SMARCA4: variants seen among roughly 807,000 people sequenced by gnomAD.
SMARCA4 encodes the protein SWI/SNF related BAF chromatin remodeling complex subunit ATPase 4.
A neutral mutation model predicts 193.9 loss-of-function variants in SMARCA4; 31 were observed. That is an observed-to-expected ratio of 0.16 (90% confidence interval 0.12 to 0.22). The LOEUF (loss-of-function observed/expected upper bound fraction) is 0.22. Among genes scored for constraint, SMARCA4 ranks in the 10% least tolerant of loss-of-function variants. The pLI, the probability that SMARCA4 is intolerant of heterozygous loss-of-function variation, is 1.00. For missense variants in SMARCA4, 1,148 were observed against 2,296.0 expected, an observed-to-expected ratio of 0.50 and a Z score of 10.22; for synonymous variants, 942 against 933.1, an observed-to-expected ratio of 1.01 and a Z score of -0.17.
chr19:10,963,011 T>A (rs1470039645), intron 1 of SMARCA4, among the ~76,000 whole-genome samples: 2 of 151,922 alleles, frequency 1.3e-5, no homozygotes, highest in Non-Finnish European at 2.9e-5. Context: ...ACATAGTAGG[T>A]CTTTAGCGAA....
chr19:10,997,315 C>T (rs1178903416), intron 11 of SMARCA4, among the ~76,000 whole-genome samples: 1 of 152,184 alleles, frequency 6.6e-6, no homozygotes, highest in African/African-American at 2.4e-5. Flanking sequence ...TCTCCTGCCT[C>T]AGCCTCCCGA....
rs2146192207 is a variant in SMARCA4 at position 11,007,968 on chromosome 19, A to T, written c.2068A>T (p.Ile690Phe). The T allele has an allele frequency of 6.2e-7, 1 of 1,613,828 alleles. No individual in the cohort carries two copies. The highest frequency in any genetic ancestry group is 1.1e-5 in the South Asian group (1 of 91,066). ...CCTGCCCGTGGAGGAGAAGAAGAAG[A>T]TTCCAGATCCAGACAGCGATGACGT... ...PTLPVEEKKK[I>F]PDPDSDDVSE... Residue 690 changes from isoleucine to phenylalanine, a missense_variant, in exon 14 of 35, where the codon ATT (isoleucine) becomes TTT (phenylalanine). Transcript: ENST00000344626.
chr19:10,989,114 T>C (rs2145840777), intron 6 of SMARCA4, among the ~76,000 whole-genome samples: 1 of 152,346 alleles, frequency 6.6e-6, no homozygotes, highest in East Asian at 1.9e-4. Context: ...TCTTGTTTGC[T>C]GTCCCCTGAG....
At chr19:11,022,793 C>T (rs2089972291) in intron 19 of SMARCA4, among the ~76,000 whole-genome samples, 1 of 152,134 alleles carries the variant, frequency 6.6e-6, no homozygotes, top group South Asian at 2.1e-4. Context: ...CGAGGCATTC[C>T]CCAAAGCCTC....
At chr19:11,026,540 C>A (rs577169752) in intron 23 of SMARCA4, among the ~76,000 whole-genome samples, 194 bp downstream of exon 23, 2 of 141,734 alleles carry the variant, frequency 1.4e-5, no homozygotes, top group South Asian at 4.5e-4. Flanking sequence ...GCTCTTGTTG[C>A]CCAGGCTGGA....
At chr19:10,978,618 G>A (rs921465747) in intron 1 of SMARCA4, among the ~76,000 whole-genome samples, 2 of 150,920 alleles carry the variant, frequency 1.3e-5, no homozygotes, top group African/African-American at 2.4e-5. Flanking sequence ...GAGCCATCAC[G>A]CCCGGCCGAT....
In SMARCA4 at chr19:10,979,412, C is replaced by CTT. The variant is rs778610991; in HGVS notation, c.-31-4694_-31-4693dup. ...AGACATGGTGACCCTGTGTGATTGTCTTTTTTTTTTTTTTTTGAGACAGGG... is the reference window on the plus strand; with the variant it reads ...AGACATGGTGACCCTGTGTGATTGTCTTTTTTTTTTTTTTTTTTGAGACAGGG... On this transcript the variant is annotated intron_variant, in intron 1 of 34. Transcript: ENST00000344626. 3.8e-3 allele frequency among the ~76,000 whole-genome samples: 518 copies of CTT among 137,810 alleles called. 4 individuals are homozygous for CTT. Among genetic ancestry groups the CTT allele is most frequent in the African/African-American group, 0.012 (441 of 37,754 alleles). 90.4% of individuals were successfully genotyped at this position (137,810 alleles called of 152,430 possible). A position where few individuals can be genotyped will look rare whatever the true frequency, so the allele number is the denominator to read the frequency against.
At chr19:11,010,734 A>G (rs907212762) in intron 15 of SMARCA4, among the ~76,000 whole-genome samples, 5 of 152,124 alleles carry the variant, frequency 3.3e-5, no homozygotes, top group Non-Finnish European at 7.4e-5. Context: ...AGGACGTGCA[A>G]CAGCAGAAAG....
At chr19:10,971,082 G>A (rs1399398865) in intron 1 of SMARCA4, among the ~76,000 whole-genome samples, 1 of 152,158 alleles carries the variant, frequency 6.6e-6, no homozygotes, top group African/African-American at 2.4e-5. Flanking sequence ...TGTAATCCCA[G>A]CTACTTGAGA....
At position 10,984,217 on chromosome 19, in the gene SMARCA4, T is replaced by C. The variant is rs2145722014; in HGVS notation, c.66T>C (p.Pro22=). 2 of 1,612,174 alleles carry C rather than the reference T, an allele frequency of 1.2e-6. No individual in the cohort carries two copies. The highest frequency in any genetic ancestry group is 1.1e-5 in the South Asian group (1 of 91,038). ...PRPGPSPGPG[P]SPGAMLGPSP... is the part of the protein sequence containing the mutation. ...CAGGTCCTTCCCCGGGCCCTGGCCC[T>C]TCCCCTGGAGCCATGCTGGGCCCTA... Residue 22 remains proline, a synonymous_variant, in exon 2 of 35, where the codon CCT becomes CCC. Transcript: ENST00000344626. This position sits in a 1 kb window ranked among gnomAD's most constrained non-coding sequence, Gnocchi z 4.3.
chr19:11,056,989 C>T lies in SMARCA4; in HGVS notation c.4425-1266C>T, dbSNP rs546796471. ...CCAGTGGCATGGGCGGGCTGCCCTG[C>T]CCTCTGGAATTTTCTGGGAAAGAAC... On this transcript the variant is annotated intron_variant, in intron 30 of 34. Transcript: ENST00000344626. Among the ~76,000 whole-genome samples, 322 of 152,364 alleles carry T rather than the reference C, an allele frequency of 2.1e-3. 3 individuals are homozygous for T. The highest frequency in any genetic ancestry group is 7.6e-3 in the African/African-American group (315 of 41,598).
At chr19:10,995,073 C>A (rs2086897984) in intron 9 of SMARCA4, 72 bp downstream of exon 9, 29 of 1,400,566 alleles carry the variant, frequency 2.1e-5, no homozygotes, top group Non-Finnish European at 2.7e-5. Flanking sequence ...GGGGTCACTC[C>A]CCAGGGTTAC....
At position 11,031,228 on chromosome 19, in the gene SMARCA4, C is replaced by G. The variant is rs543129000; in HGVS notation, c.3546+335C>G. On this transcript the variant is annotated intron_variant, in intron 25 of 34. Coordinates refer to ENST00000344626, the MANE Select transcript of SMARCA4 (RefSeq NM_003072.5). The surrounding 1 kb of genome is among the most constrained non-coding windows in gnomAD (Gnocchi z 4.3). ...CGCCGTCACTGTGGGGCGGCCCCTG[C>G]AGTGTGCCCTGTGAGCACACACACT... 2.6e-6 allele frequency: 1 copy of G among 382,900 alleles called. No individual in the cohort carries two copies. The highest frequency in any genetic ancestry group is 6.0e-5 in the East Asian group (1 of 16,776). The allele number at this position is 382,900 out of a possible 1,614,324, so 23.7% of individuals were successfully genotyped here.
rs185153623 is a variant in SMARCA4, at chr19:11,014,570, C to T, written c.2438+1458C>T. Among the ~76,000 whole-genome samples the T allele has an allele frequency of 1.6e-4, 25 of 152,268 alleles. No homozygotes were observed. The East Asian group carries it at 1.7e-3, about 11-fold the overall frequency. ...GTCTGTGTCTGGAGGCTGTTCCTTC[C>T]GGCTCTGCCCACCTCCTGGCTCCCC... On this transcript the variant is annotated intron_variant, in intron 16 of 34. Coordinates refer to ENST00000344626, the MANE Select transcript of SMARCA4 (RefSeq NM_003072.5).
Position 10,986,204 on chromosome 19 carries a change from T to A in SMARCA4, c.371T>A (p.Leu124Gln), listed in dbSNP as rs754451765. 2 of 1,613,870 alleles carry A rather than the reference T, an allele frequency of 1.2e-6. No individual in the cohort carries two copies. The highest frequency in any genetic ancestry group is 1.7e-6 in the Non-Finnish European group (2 of 1,179,980). ...DQHSQGYPSP[L>Q]GGSEHASSPV... ...TTCTCTGCAGGTTACCCCTCGCCCC[T>A]GGGTGGCTCTGAGCATGCCTCTAGT... Residue 124 changes from leucine to glutamine, a missense_variant, in exon 4 of 35, where the codon CTG becomes CAG. Physicochemically the swap from Leu to Gln is moderately radical, Grantham distance 113. Coordinates refer to ENST00000344626, the MANE Select transcript of SMARCA4 (RefSeq NM_003072.5). This position sits in a 1 kb window ranked among gnomAD's most constrained non-coding sequence, Gnocchi z 6.7.
intron 24 of SMARCA4, among the ~76,000 whole-genome samples, chr19:11,029,474 C>A (rs1464746850): frequency 6.6e-6 from 1 of 152,258 alleles, no homozygotes; most frequent in African/African-American, 2.4e-5. Flanking sequence ...GTGAAGTCTC[C>A]TGAGACTGCA....
chr19:10,985,125 C>A lies in SMARCA4; in HGVS notation c.223-148C>A. 1.2e-6 allele frequency: 1 copy of A among 806,322 alleles called. No homozygotes were observed. The allele number at this position is 806,322 out of a possible 1,614,324, so 49.9% of individuals were successfully genotyped here. A position where few individuals can be genotyped will look rare whatever the true frequency, so the allele number is the denominator to read the frequency against. On this transcript the variant is annotated intron_variant, in intron 2 of 34. Transcript: ENST00000344626. This position sits in a 1 kb window ranked among gnomAD's most constrained non-coding sequence, Gnocchi z 4.5. Reference sequence around the variant, plus strand: ...GCCTAAGTAGGTGTCAGAACCTTGCCTTGGAGTCATGCTGGGGACTGGGGA... The same window carrying A: ...GCCTAAGTAGGTGTCAGAACCTTGCATTGGAGTCATGCTGGGGACTGGGGA...
At chr19:11,049,963 A>G (rs2076165453) in intron 30 of SMARCA4, among the ~76,000 whole-genome samples, 1 of 152,162 alleles carries the variant, frequency 6.6e-6, no homozygotes, top group African/African-American at 2.4e-5. Flanking sequence ...TTAGCCAGGC[A>G]TGGTGGCACT....
intron 7 of SMARCA4, among the ~76,000 whole-genome samples, chr19:10,990,860 A>G (rs1446042996): frequency 1.3e-5 from 2 of 152,236 alleles, no homozygotes; most frequent in African/African-American, 2.4e-5. Context: ...ACACCCAGCC[A>G]AGAGTGTTAT....
Sources: allele counts gnomAD v4.1 joint callset (sites outside exome capture counted in the v4.1 genomes callset), GRCh38; gene constraint gnomAD v4.1.1; non-coding constraint Gnocchi (gnomAD v3.1); transcripts MANE v1.5; gene names NCBI Gene and HGNC (gene_info 2026-07-23, HGNC 2026-07-21).